ANKRD13C: variants seen among roughly 807,000 people sequenced by gnomAD.
The protein encoded by ANKRD13C is ankyrin repeat domain 13C, also known as ankyrin repeat domain-containing protein 13C.
A neutral mutation model predicts 65.5 loss-of-function variants in ANKRD13C; 16 were observed. The ratio of observed to expected loss-of-function variants is 0.24; its 90% CI spans 0.17 to 0.37. ANKRD13C has a LOEUF of 0.37. Ranked by LOEUF, ANKRD13C falls within the 10% of genes least tolerant of loss-of-function variation. ANKRD13C has a pLI of 1.00. For synonymous variants in ANKRD13C, 235 were observed against 238.7 expected, an observed-to-expected ratio of 0.98 and a Z score of 0.14; for missense variants, 503 against 655.9, an observed-to-expected ratio of 0.77 and a Z score of 2.55.
At chr1:70,317,201 T>C (rs1402043008) in intron 3 of ANKRD13C, among the ~76,000 whole-genome samples, 1 of 152,102 alleles carries the variant, frequency 6.6e-6, no homozygotes, top group African/African-American at 2.4e-5. Context: ...CAAAGAACAA[T>C]GCTTAAATTA....
chr1:70,311,399 C>CAGGA (rs1472822326), intron 5 of ANKRD13C, among the ~76,000 whole-genome samples: 2 of 152,064 alleles, frequency 1.3e-5, no homozygotes, highest in African/African-American at 4.8e-5. Context: ...CACTTGAACC[C>CAGGA]AGGAGGTGGA....
chr1:70,350,598 C>A (rs1682705148), intron 1 of ANKRD13C, among the ~76,000 whole-genome samples: 1 of 152,122 alleles, frequency 6.6e-6, no homozygotes, highest in Non-Finnish European at 1.5e-5. Flanking sequence ...AATCTCTTTA[C>A]AAGACTCTTG....
chr1:70,295,433 A>T (rs146563906), intron 8 of ANKRD13C, among the ~76,000 whole-genome samples: 3 of 151,940 alleles, frequency 2.0e-5, no homozygotes, highest in African/African-American at 4.8e-5. Context: ...TTTTTAGTAG[A>T]GACAGGTTTT....
At chr1:70,334,281 G>C (rs747607744) in intron 2 of ANKRD13C, among the ~76,000 whole-genome samples, 1 of 151,852 alleles carries the variant, frequency 6.6e-6, no homozygotes, top group African/African-American at 2.4e-5. Context: ...AGCTAGGATC[G>C]CACCACTATA....
At chr1:70,293,567 C>G (rs1489855219) in intron 8 of ANKRD13C, 24 of 985,080 alleles carry the variant, frequency 2.4e-5, no homozygotes, top group Non-Finnish European at 2.8e-5. Context: ...AGCAGTAGTA[C>G]TAGATGATTA....
intron 9 of ANKRD13C, among the ~76,000 whole-genome samples, chr1:70,281,028 T>C (rs1022762295): frequency 1.3e-5 from 2 of 151,840 alleles, no homozygotes; most frequent in Non-Finnish European, 2.9e-5. Flanking sequence ...CTGGGGTAAA[T>C]AAGGAGATAA....
chr1:70,341,366 T>TG (rs1682301709), intron 1 of ANKRD13C, among the ~76,000 whole-genome samples: 2 of 145,274 alleles, frequency 1.4e-5, no homozygotes, highest in African/African-American at 5.4e-5. Flanking sequence ...TTTGTGTGTT[T>TG]TTTTTTTTTT....
In ANKRD13C at chr1:70,260,934, T is replaced by G. The variant is rs1678368230; in HGVS notation, c.*1783A>C. On this transcript the variant is annotated 3_prime_UTR_variant, in exon 13 of 13. Transcript: ENST00000370944. ...GCATATTCCTGAAAGTATACCATAT[T>G]CCTACAAAGTAAGGGAGCCTAGAAG... 6.6e-6 allele frequency: 1 copy of G among 152,092 alleles called. No individual in the cohort carries two copies. Among genetic ancestry groups the G allele is most frequent in the South Asian group, 2.1e-4 (1 of 4,832 alleles). The allele number at this position is 152,092 out of a possible 1,614,324, so 9.4% of individuals were successfully genotyped here. A position where few individuals can be genotyped will look rare whatever the true frequency, so the allele number is the denominator to read the frequency against.
intron 12 of ANKRD13C, among the ~76,000 whole-genome samples, chr1:70,267,985 G>A (rs993986057): frequency 6.6e-6 from 1 of 152,136 alleles, no homozygotes; most frequent in Admixed American, 6.6e-5. Flanking sequence ...CAAATAGCTT[G>A]GCTGTGAAAA....
intron 9 of ANKRD13C, among the ~76,000 whole-genome samples, chr1:70,279,579 C>T (rs1679294709): frequency 7.3e-6 from 1 of 136,622 alleles, no homozygotes. Flanking sequence ...AATCTCGGTT[C>T]ACTGCAACCT....
At chr1:70,291,036 AT>A (rs1346428243) in intron 9 of ANKRD13C, among the ~76,000 whole-genome samples, 5,230 of 147,174 alleles carry the variant, frequency 0.036, 301 homozygotes, top group African/African-American at 0.12. Flanking sequence ...CATCTGGGAA[AT>A]TTTTTTTTTT....
At chr1:70,299,157 G>T (rs986074915) in intron 7 of ANKRD13C, among the ~76,000 whole-genome samples, 1 of 152,102 alleles carries the variant, frequency 6.6e-6, no homozygotes, top group Non-Finnish European at 1.5e-5. Flanking sequence ...AGGTGTGAGG[G>T]TGCAAAAAGA....
At chr1:70,270,822 G>T in intron 12 of ANKRD13C, 34 bp downstream of exon 12, 1 of 1,404,724 alleles carries the variant, frequency 7.1e-7, no homozygotes, top group Non-Finnish European at 1.0e-6. Flanking sequence ...TATTCCTAAT[G>T]GACACTAAAA....
At chr1:70,349,064 A>C (rs1178305535) in intron 1 of ANKRD13C, among the ~76,000 whole-genome samples, 1 of 152,208 alleles carries the variant, frequency 6.6e-6, no homozygotes, top group Non-Finnish European at 1.5e-5. Flanking sequence ...CAAAATTACA[A>C]GTCTAACCAA....
chr1:70,272,174 T>C (rs1264613529), intron 11 of ANKRD13C, among the ~76,000 whole-genome samples: 1 of 151,894 alleles, frequency 6.6e-6, no homozygotes, highest in Non-Finnish European at 1.5e-5. Context: ...TTTTTTTTTT[T>C]TCTGAACTTT....
chr1:70,262,901 G>T (rs1678444475), intron 12 of ANKRD13C, 54 bp from the exon 13 acceptor site: 3 of 1,350,952 alleles, frequency 2.2e-6, no homozygotes, highest in Non-Finnish European at 3.1e-6. Flanking sequence ...AATATTCATA[G>T]ACTACAAAGT....
chr1:70,316,252 G>A (rs1681068481), intron 3 of ANKRD13C, among the ~76,000 whole-genome samples: 1 of 152,156 alleles, frequency 6.6e-6, no homozygotes, highest in African/African-American at 2.4e-5. Context: ...CCTCCATAGT[G>A]TATTTTCAGT....
At chr1:70,274,168 T>C (rs1442119412) in intron 11 of ANKRD13C, among the ~76,000 whole-genome samples, 1 of 152,086 alleles carries the variant, frequency 6.6e-6, no homozygotes, top group Non-Finnish European at 1.5e-5. Flanking sequence ...CACGTATTAC[T>C]TTTTATAATT....
At position 70,313,737 on chromosome 1, in the gene ANKRD13C, A is replaced by C. The variant is rs1680948016; in HGVS notation, c.709+8T>G. 6.2e-7 allele frequency: 1 copy of C among 1,600,454 alleles called. No homozygotes were observed. The highest frequency in any genetic ancestry group is 1.1e-5 in the South Asian group (1 of 90,244). On this transcript the variant is annotated splice_region_variant and intron_variant, in intron 5 of 12. Transcript: ENST00000370944. ...CATATTTTATACTAAAACATAGCAT[A>C]CTCTTACCCCAGCTTTGAAAATCCC... is the stretch of plus-strand genomic sequence containing the variant.
Sources: allele counts gnomAD v4.1 joint callset (sites outside exome capture counted in the v4.1 genomes callset), GRCh38; gene constraint gnomAD v4.1.1; transcripts MANE v1.5; gene names NCBI Gene and HGNC (gene_info 2026-07-23, HGNC 2026-07-21).